The following VAC14 variants were observed in gnomAD, a reference collection of about 807,000 sequenced individuals.
VAC14 encodes the protein protein VAC14 homolog.
In VAC14, 47 loss-of-function variants were observed where a neutral mutation model predicts 85.3. That is an observed-to-expected ratio of 0.55 (90% confidence interval 0.44 to 0.70). The LOEUF (loss-of-function observed/expected upper bound fraction) is 0.70, where lower values mean the gene tolerates loss of function less well. Ranked by LOEUF, VAC14 falls within the 30% of genes least tolerant of loss-of-function variation. The pLI is 0.00. For missense variants in VAC14, 861 were observed against 1,004.3 expected (o/e 0.86, Z 1.93); for synonymous variants, 447 against 430.5 (o/e 1.04, Z -0.47).
chr16:70,788,627 G>C (rs1019406372), intron 1 of VAC14, among the ~76,000 whole-genome samples: 3 of 152,242 alleles, frequency 2.0e-5, no homozygotes, highest in Admixed American at 6.5e-5. Flanking sequence ...ATCTGGCAGA[G>C]TGCCTAAGTA....
At chr16:70,766,640 CCAAG>C in intron 10 of VAC14, 1 of 393,624 alleles carries the variant, frequency 2.5e-6, no homozygotes, top group South Asian at 1.8e-5. Flanking sequence ...AGGCCATGTA[CCAAG>C]CAGTCATTCC....
At chr16:70,706,571 G>C (rs1291087446) in intron 14 of VAC14, among the ~76,000 whole-genome samples, 1 of 152,200 alleles carries the variant, frequency 6.6e-6, no homozygotes, top group Non-Finnish European at 1.5e-5. Context: ...GAGTGCCATG[G>C]TGCGATCTTA....
chr16:70,740,593 C>A (rs1000255369), intron 13 of VAC14, among the ~76,000 whole-genome samples: 17 of 152,216 alleles, frequency 1.1e-4, no homozygotes, highest in African/African-American at 4.1e-4. Context: ...CCAGAGCCAG[C>A]AGGACCTCCG....
At chr16:70,688,237 T>C (rs1308750600) in intron 18 of VAC14, 147 bp from the exon 19 acceptor site, 1 of 1,283,678 alleles carries the variant, frequency 7.8e-7, no homozygotes, top group Non-Finnish European at 9.8e-7. Context: ...TCTTCCGTCA[T>C]GGCGGGCCCC....
intron 13 of VAC14, 95 bp downstream of exon 13, chr16:70,744,328 C>G (rs2030654927): frequency 1.3e-6 from 2 of 1,525,446 alleles, no homozygotes; most frequent in African/African-American, 2.8e-5. Flanking sequence ...CTCCAGAGCT[C>G]CTGAGCAACA....
At position 70,762,747 on chromosome 16, in the gene VAC14, G is replaced by T. The variant is rs765717289; in HGVS notation, c.1305+134C>A. On this transcript the variant is annotated intron_variant, in intron 11 of 18. Transcript: ENST00000261776. This position sits in a 1 kb window ranked among gnomAD's most constrained non-coding sequence, Gnocchi z 4.1. ...CCCGACACAATGAGGGCTCCTCGCA[G>T]CACCTGTCACTTCTCTGCCGGCCAG... 8 of 1,507,626 alleles carry T rather than the reference G, an allele frequency of 5.3e-6. No individual in the cohort carries two copies. The highest frequency in any genetic ancestry group is 6.3e-6 in the Non-Finnish European group (7 of 1,103,622). The allele number at this position is 1,507,626 out of a possible 1,614,324, so 93.4% of individuals were successfully genotyped here.
intron 12 of VAC14, among the ~76,000 whole-genome samples, chr16:70,760,698 G>A (rs1265243050): frequency 4.6e-5 from 7 of 152,234 alleles, no homozygotes; most frequent in East Asian, 1.9e-4. Flanking sequence ...CTGCATCTCC[G>A]CCTGCTCCCT....
chr16:70,788,219 C>A (rs182233979), intron 1 of VAC14, among the ~76,000 whole-genome samples: 16 of 152,348 alleles, frequency 1.1e-4, no homozygotes, highest in African/African-American at 3.8e-4. Context: ...CGGTGCTGTC[C>A]TGTGAGACAG....
Position 70,781,945 on chromosome 16 carries a change from G to C in VAC14, c.870C>G (p.Gly290=). The change falls in exon 8 of 19, where the codon GGC becomes GGG. Residue 290 remains glycine (G), a synonymous_variant. Transcript: ENST00000261776. ...CGGAGGAGTAAGGCAGCATGACGCG[G>C]CCCGCCAGCTGGATGAACTCCCGCA... is the stretch of plus-strand genomic sequence containing the variant. ...CWMREFIQLA[G]RVMLPYSSGI... The C allele has an allele frequency of 6.2e-7, 1 of 1,614,142 alleles. No homozygotes were observed. The highest frequency in any genetic ancestry group is 1.3e-5 in the African/African-American group (1 of 75,062).
chr16:70,765,158 A>G (rs918367363), intron 10 of VAC14, among the ~76,000 whole-genome samples: 1 of 152,180 alleles, frequency 6.6e-6, no homozygotes, highest in African/African-American at 2.4e-5. Flanking sequence ...TTTCCAGCAG[A>G]AGCCACAGGG....
chr16:70,767,574 C>A (rs1386998362), intron 10 of VAC14, among the ~76,000 whole-genome samples: 1 of 152,174 alleles, frequency 6.6e-6, no homozygotes, highest in East Asian at 1.9e-4. Flanking sequence ...TCATACAACA[C>A]CTGTTTGAGA....
intron 14 of VAC14, among the ~76,000 whole-genome samples, chr16:70,723,330 C>T (rs1227395386): frequency 6.6e-6 from 1 of 152,058 alleles, no homozygotes; most frequent in African/African-American, 2.4e-5. Flanking sequence ...ATAGTCCCAG[C>T]TACTTGAGAG....
intron 10 of VAC14, 43 bp from the exon 11 acceptor site, chr16:70,763,068 A>G: frequency 1.2e-6 from 2 of 1,612,720 alleles, no homozygotes; most frequent in Admixed American, 3.3e-5. Context: ...GAAGCCCACC[A>G]TAGCCCTCTC....
In VAC14 at chr16:70,704,140, C is replaced by T. The variant is rs539519845; in HGVS notation, c.1662-5329G>A. On this transcript the variant is annotated intron_variant, in intron 14 of 18. Transcript: ENST00000261776. ...CCCAAACCCCCACCTGGCATCCACA[C>T]ACAGCCCCTGCTTCAGGTGAAACCT... is the stretch of plus-strand genomic sequence containing the variant. Among the ~76,000 whole-genome samples, 17 of 152,362 alleles carry T rather than the reference C, an allele frequency of 1.1e-4. No individual in the cohort carries two copies. In the South Asian group the frequency reaches 3.3e-3, roughly 30 times the overall value.
intron 14 of VAC14, among the ~76,000 whole-genome samples, chr16:70,728,917 TG>T (rs369035131): frequency 6.6e-6 from 1 of 152,098 alleles, no homozygotes; most frequent in Non-Finnish European, 1.5e-5. Context: ...GCTTTCCTGG[TG>T]GGGGGGCCTC....
At chr16:70,761,428 C>T (rs933378521) in intron 12 of VAC14, among the ~76,000 whole-genome samples, 5 of 152,218 alleles carry the variant, frequency 3.3e-5, no homozygotes, top group African/African-American at 7.2e-5. Flanking sequence ...CAGCTTGGAC[C>T]GTCAGCATCT....
At chr16:70,697,835 C>T (rs2053744653) in intron 15 of VAC14, among the ~76,000 whole-genome samples, 1 of 152,182 alleles carries the variant, frequency 6.6e-6, no homozygotes, top group African/African-American at 2.4e-5. Context: ...AGCCACTTGG[C>T]CCCAGATGCC....
intron 18 of VAC14, chr16:70,691,828 G>A (rs2053601722): frequency 2.0e-6 from 2 of 985,298 alleles, no homozygotes; most frequent in Admixed American, 6.1e-5. Flanking sequence ...GATGCCAGCG[G>A]TGTGGAGGGC....
intron 9 of VAC14, among the ~76,000 whole-genome samples, chr16:70,774,570 C>T (rs904615972): frequency 6.6e-6 from 1 of 152,160 alleles, no homozygotes; most frequent in African/African-American, 2.4e-5. Context: ...TCTGTTTTCC[C>T]TCAAACATGT....
Sources: allele counts gnomAD v4.1 joint callset (sites outside exome capture counted in the v4.1 genomes callset), GRCh38; gene constraint gnomAD v4.1.1; non-coding constraint Gnocchi (gnomAD v3.1); transcripts MANE v1.5; gene names NCBI Gene and HGNC (gene_info 2026-07-23, HGNC 2026-07-21).